The following NFAT5 variants were observed in gnomAD, a reference collection of about 807,000 sequenced individuals.
The protein encoded by NFAT5 is nuclear factor of activated T-cells 5.
Under a neutral mutation model 166.5 loss-of-function variants are expected in NFAT5, and 31 were observed. That is an observed-to-expected ratio of 0.19 (90% CI 0.14 to 0.25). The LOEUF (loss-of-function observed/expected upper bound fraction) is 0.25. NFAT5 is among the 10% of genes least tolerant of loss of function. The pLI, the probability that NFAT5 is intolerant of heterozygous loss-of-function variation, is 1.00. For synonymous variants in NFAT5, 612 were observed against 639.7 expected, an observed-to-expected ratio of 0.96 and a Z score of 0.65; for missense variants, 1,449 against 1,821.8, an observed-to-expected ratio of 0.80 and a Z score of 3.72.
intron 3 of NFAT5, among the ~76,000 whole-genome samples, chr16:69,635,901 C>T (rs1008732919): frequency 6.6e-6 from 1 of 152,130 alleles, no homozygotes; most frequent in Admixed American, 6.5e-5. Flanking sequence ...CCCAGTCATG[C>T]CTTCCCAACA....
chr16:69,619,705 T>G (rs1045290496), intron 2 of NFAT5, among the ~76,000 whole-genome samples: 5 of 152,182 alleles, frequency 3.3e-5, no homozygotes, highest in Non-Finnish European at 5.9e-5. Context: ...CTGTGGCTTA[T>G]CTCCCTGCAC....
At chr16:69,620,709 A>C (rs8049055) in intron 2 of NFAT5, among the ~76,000 whole-genome samples, 6,723 of 152,324 alleles carry the variant, frequency 0.044, 504 homozygotes, top group African/African-American at 0.15. Flanking sequence ...AAAGAGAGAG[A>C]GAGAGAAATA....
rs912015549 is a variant in NFAT5, at chr16:69,704,394, C to G, written c.*8043C>G. ...TTGAGCACACTGATCAACCACTGAA[C>G]TGCCTTCTTCCATTGTCCTGCAATG... On this transcript the variant is annotated 3_prime_UTR_variant, in exon 15 of 15. Coordinates refer to ENST00000349945, the MANE Select transcript of NFAT5 (RefSeq NM_138713.4). 1 of 152,596 alleles carries G rather than the reference C, an allele frequency of 6.6e-6. No individual in the cohort carries two copies. The highest frequency in any genetic ancestry group is 1.5e-5 in the Non-Finnish European group (1 of 68,038). 9.5% of individuals were successfully genotyped at this position (152,596 alleles called of 1,614,324 possible). A position where few individuals can be genotyped will look rare whatever the true frequency, so the allele number is the denominator to read the frequency against.
At chr16:69,657,455 T>C (rs917762480) in intron 6 of NFAT5, among the ~76,000 whole-genome samples, 4 of 132,264 alleles carry the variant, frequency 3.0e-5, no homozygotes, top group Non-Finnish European at 6.8e-5. Flanking sequence ...AACTTGTAAC[T>C]TTTGAAAATT....
intron 2 of NFAT5, among the ~76,000 whole-genome samples, chr16:69,584,343 G>GT (rs1195322722): frequency 4.0e-5 from 6 of 148,448 alleles, no homozygotes; most frequent in African/African-American, 1.5e-4. Flanking sequence ...TTGACAGAGT[G>GT]TTACTCTGTC....
intron 4 of NFAT5, among the ~76,000 whole-genome samples, chr16:69,652,453 GAAAA>G (rs74216983): frequency 3.3e-5 from 2 of 60,638 alleles, no homozygotes; most frequent in East Asian, 1.0e-3. Context: ...CTCCATCTCA[GAAAA>G]AAAAAAAAAA....
At position 69,589,471 on chromosome 16, in the gene NFAT5, T is replaced by A. The variant is rs79485999; in HGVS notation, c.127+20923T>A. Among the ~76,000 whole-genome samples, 66 of 152,254 alleles carry A rather than the reference T, an allele frequency of 4.3e-4. No homozygotes were observed. The East Asian group carries it at 0.013, about 29-fold the overall frequency. ...ATGTGCTATATAATAAGACAGATAA[T>A]CTTTAAATGACAATAAAACCTCAAC... On this transcript the variant is annotated intron_variant, in intron 2 of 14. Transcript: ENST00000349945.
rs1391525804 is a variant in NFAT5 at position 69,700,970 on chromosome 16, T to TG, written c.*4621dup. 2.0e-5 allele frequency: 3 copies of TG among 150,344 alleles called. No individual in the cohort carries two copies. Among genetic ancestry groups the TG allele is most frequent in the African/African-American group, 2.5e-5 (1 of 40,660 alleles). 9.3% of individuals were successfully genotyped at this position (150,344 alleles called of 1,614,324 possible). A position where few individuals can be genotyped will look rare whatever the true frequency, so the allele number is the denominator to read the frequency against. On this transcript the variant is annotated 3_prime_UTR_variant, in exon 15 of 15. Transcript: ENST00000349945. Reference sequence around the variant, plus strand: ...TTTACTTCTTTTTTTTTTTTTGAGATGGAGTCTTGCTCTGTCTCTCAGGCT... The same window carrying TG: ...TTTACTTCTTTTTTTTTTTTTGAGATGGGAGTCTTGCTCTGTCTCTCAGGCT...
intron 10 of NFAT5, among the ~76,000 whole-genome samples, chr16:69,683,868 G>A (rs2037173817): frequency 6.6e-6 from 1 of 152,152 alleles, no homozygotes; most frequent in African/African-American, 2.4e-5. Flanking sequence ...GGAAGCCAAG[G>A]TGGGCAGATT....
chr16:69,693,788 A>G lies in NFAT5; in HGVS notation c.3963A>G (p.Gln1321=). The change falls in exon 13 of 15, where the codon CAA becomes CAG. Residue 1321 remains glutamine (Q), a synonymous_variant. Transcript: ENST00000349945. ...AAAATCCAATGGCTAATCAGGAGCA[A>G]CAGAACCAGTCAATTTTTCACCAAC... The part of the protein sequence containing the change: ...PNQNPMANQE[Q]QNQSIFHQQS... 2 of 1,614,244 alleles carry G rather than the reference A, an allele frequency of 1.2e-6. No homozygotes were observed. The highest frequency in any genetic ancestry group is 2.2e-5 in the East Asian group (1 of 44,888).
At chr16:69,689,618 A>C (rs2037468439) in intron 11 of NFAT5, among the ~76,000 whole-genome samples, 1 of 152,214 alleles carries the variant, frequency 6.6e-6, no homozygotes, top group African/African-American at 2.4e-5. Flanking sequence ...ATCTCAGCTC[A>C]TTGCAACCAC....
At chr16:69,590,533 T>G (rs2151524758) in intron 2 of NFAT5, among the ~76,000 whole-genome samples, 1 of 152,362 alleles carries the variant, frequency 6.6e-6, no homozygotes, top group Admixed American at 6.5e-5. Flanking sequence ...TATTCATAGC[T>G]ACTTTGTCTC....
At chr16:69,691,440 G>A (rs1360765964) in intron 12 of NFAT5, among the ~76,000 whole-genome samples, 3 of 151,872 alleles carry the variant, frequency 2.0e-5, no homozygotes, top group Admixed American at 2.0e-4. Flanking sequence ...TTTGATACCT[G>A]CTCTTCATGA....
At position 69,580,152 on chromosome 16, in the gene NFAT5, T is replaced by A. The variant is rs1338803044; in HGVS notation, c.127+11604T>A. Among the ~76,000 whole-genome samples, 3 of 152,050 alleles carry A rather than the reference T, an allele frequency of 2.0e-5. No individual in the cohort carries two copies. The South Asian group carries it at 6.2e-4, about 31-fold the overall frequency. ...GTAATAACTATTTTAATGTAATATGTATTTTAATATGTAATGTAATTACAT... is the reference window on the plus strand; with the variant it reads ...GTAATAACTATTTTAATGTAATATGAATTTTAATATGTAATGTAATTACAT... On this transcript the variant is annotated intron_variant, in intron 2 of 14. Coordinates refer to ENST00000349945, the MANE Select transcript of NFAT5 (RefSeq NM_138713.4).
At chr16:69,581,086 G>A (rs1354942345) in intron 2 of NFAT5, among the ~76,000 whole-genome samples, 1 of 152,106 alleles carries the variant, frequency 6.6e-6, no homozygotes, top group Non-Finnish European at 1.5e-5. Context: ...CTATCACCTA[G>A]GCTGGAATGC....
intron 3 of NFAT5, among the ~76,000 whole-genome samples, chr16:69,641,476 T>C (rs908096220): frequency 1.3e-5 from 2 of 152,054 alleles, no homozygotes; most frequent in Non-Finnish European, 2.9e-5. Flanking sequence ...TTATAAAATA[T>C]GTACATATTC....
At chr16:69,675,410 A>G (rs2036792426) in intron 9 of NFAT5, among the ~76,000 whole-genome samples, 1 of 152,298 alleles carries the variant, frequency 6.6e-6, no homozygotes, top group East Asian at 1.9e-4. Flanking sequence ...ACAGAGTAAA[A>G]ATGAGGTAGA....
chr16:69,634,277 CAAAAAAA>C (rs745354566), intron 3 of NFAT5, among the ~76,000 whole-genome samples: 2 of 84,966 alleles, frequency 2.4e-5, no homozygotes, highest in Non-Finnish European at 4.8e-5. Flanking sequence ...TTCCGACTCA[CAAAAAAA>C]AAAAAAAAAA....
intron 2 of NFAT5, among the ~76,000 whole-genome samples, chr16:69,598,019 A>G (rs1378273865): frequency 6.6e-6 from 1 of 152,172 alleles, no homozygotes; most frequent in Admixed American, 6.5e-5. Context: ...AGGAGTGTAA[A>G]TTATGACTTG....
Sources: gnomAD v4.1 joint callset for allele counts (sites outside exome capture counted in the v4.1 genomes callset) on GRCh38, gnomAD v4.1.1 for gene constraint, MANE v1.5 for transcripts, NCBI Gene and HGNC (gene_info 2026-07-23, HGNC 2026-07-21) for gene names.